SPARC: variants seen among roughly 807,000 people sequenced by gnomAD.
SPARC encodes the protein basement-membrane protein 40.
A neutral mutation model predicts 37.7 loss-of-function variants in SPARC; 23 were observed. The ratio of observed to expected loss-of-function variants is 0.61; its 90% CI spans 0.44 to 0.87. The LOEUF (loss-of-function observed/expected upper bound fraction) is 0.87. Ranked by LOEUF, SPARC falls within the 40% of genes least tolerant of loss-of-function variation. SPARC has a pLI of 0.00. For missense variants in SPARC, 312 were observed against 389.0 expected (o/e 0.80, Z 1.66); for synonymous variants, 155 against 150.8 (o/e 1.03, Z -0.20).
At position 151,667,506 on chromosome 5, in the gene SPARC, A is replaced by G; in HGVS notation, c.546T>C (p.Asp182=). The stretch of plus-strand genomic sequence containing the variant: ...TCTCAGTCAGAAGGTTGTTGTCCTC[A>G]TCCCTCTCATACAGGGTGACCAGGA... ...KNVLVTLYER[D]EDNNLLTEKQ... is the part of the protein sequence containing the mutation. The change falls in exon 7 of 10, where the codon GAT becomes GAC. Residue 182 remains aspartate, a synonymous_variant. Coordinates refer to ENST00000231061, the MANE Select transcript of SPARC (RefSeq NM_003118.4). The G allele has an allele frequency of 6.2e-7, 1 of 1,614,204 alleles. No individual in the cohort carries two copies. The highest frequency in any genetic ancestry group is 1.7e-5 in the Admixed American group (1 of 60,032).
At chr5:151,665,899 C>T (rs551569212) in intron 8 of SPARC, among the ~76,000 whole-genome samples, 2 of 152,324 alleles carry the variant, frequency 1.3e-5, no homozygotes, top group African/African-American at 4.8e-5. Flanking sequence ...GCAAAATAGA[C>T]AGGCTTTTTT....
In SPARC at chr5:151,662,061, G is replaced by C. The variant is rs1049488202; in HGVS notation, c.*1510C>G. On this transcript the variant is annotated 3_prime_UTR_variant, in exon 10 of 10. Coordinates refer to ENST00000231061, the MANE Select transcript of SPARC (RefSeq NM_003118.4). ...GCTTTGTCTACTTTGCCATAACTGTGTCCCCAGTGCTTGGCATGGGACCTG... is the reference window on the plus strand; with the variant it reads ...GCTTTGTCTACTTTGCCATAACTGTCTCCCCAGTGCTTGGCATGGGACCTG... 1.0e-4 allele frequency: 16 copies of C among 152,530 alleles called. No individual in the cohort carries two copies. The highest frequency in any genetic ancestry group is 3.9e-4 in the African/African-American group (16 of 41,448). 9.4% of individuals were successfully genotyped at this position (152,530 alleles called of 1,614,324 possible). A position where few individuals can be genotyped will look rare whatever the true frequency, so the allele number is the denominator to read the frequency against.
At chr5:151,672,406 C>T (rs528752432) in intron 4 of SPARC, among the ~76,000 whole-genome samples, 1 of 152,266 alleles carries the variant, frequency 6.6e-6, no homozygotes, top group South Asian at 2.1e-4. Flanking sequence ...TGAAAACTTC[C>T]CGGCAGCCCT....
At chr5:151,685,420 TCTCA>T (rs1196397954) in intron 1 of SPARC, among the ~76,000 whole-genome samples, 56 of 107,216 alleles carry the variant, frequency 5.2e-4, no homozygotes, top group African/African-American at 9.6e-4. Flanking sequence ...TCCCTCTCTC[TCTCA>T]CACACACACA....
chr5:151,686,549 G>C (rs1295997414), intron 1 of SPARC: 1 of 152,290 alleles, frequency 6.6e-6, no homozygotes, highest in Non-Finnish European at 1.5e-5. Context: ...AAAGAGGACA[G>C]GCAGGCAGCC....
intron 4 of SPARC, among the ~76,000 whole-genome samples, chr5:151,672,222 C>T (rs1760763097): frequency 6.6e-6 from 1 of 152,128 alleles, no homozygotes; most frequent in Admixed American, 6.5e-5. Context: ...GGCGTGGAGG[C>T]GGGAAGGAAC....
intron 9 of SPARC, 27 bp downstream of exon 9, chr5:151,664,060 C>T (rs1760571126): frequency 6.2e-7 from 1 of 1,613,870 alleles, no homozygotes; most frequent in Admixed American, 1.7e-5. Flanking sequence ...CTGCCCATGC[C>T]CCTTGCTTCT....
At position 151,669,664 on chromosome 5, in the gene SPARC, A is replaced by G; in HGVS notation, c.451T>C (p.Tyr151His). 6.2e-7 allele frequency: 1 copy of G among 1,614,080 alleles called. No individual in the cohort carries two copies. Among genetic ancestry groups the G allele is most frequent in the Non-Finnish European group, 8.5e-7 (1 of 1,179,974 alleles). ...LHLDYIGPCK[Y>H]IPPCLDSELT... Reference sequence around the variant, plus strand: ...TCTGGAAGGGCCCAAGGACACTCACATTTGCAAGGCCCGATGTAGTCCAGG... The same window carrying G: ...TCTGGAAGGGCCCAAGGACACTCACGTTTGCAAGGCCCGATGTAGTCCAGG... The change falls in exon 6 of 10, where the codon TAC (tyrosine) becomes CAC (histidine). Residue 151 changes from tyrosine to histidine, a missense_variant and splice_region_variant. Transcript: ENST00000231061.
At chr5:151,665,112 A>G (rs180945873) in intron 8 of SPARC, among the ~76,000 whole-genome samples, 395 of 152,222 alleles carry the variant, frequency 2.6e-3, no homozygotes, top group Non-Finnish European at 4.6e-3. Context: ...CTGGTGGAAA[A>G]CTGAGGCCCA....
intron 1 of SPARC, among the ~76,000 whole-genome samples, chr5:151,677,210 A>G (rs1266858424): frequency 1.3e-5 from 2 of 152,124 alleles, no homozygotes; most frequent in Non-Finnish European, 2.9e-5. Flanking sequence ...GCACTAACTA[A>G]ATGGCTTTTC....
chr5:151,664,078 G>C lies in SPARC; in HGVS notation c.883+9C>G, dbSNP rs759915324. 5 of 1,614,090 alleles carry C rather than the reference G, an allele frequency of 3.1e-6. No individual in the cohort carries two copies. The Admixed American group carries it at 8.3e-5, about 27-fold the overall frequency. ...CCCATGCCCCTTGCTTCTTTGTTCA[G>C]ACACTCACTCTGCTTGATGCCGAAG... On this transcript the variant is annotated intron_variant, in intron 9 of 9. Transcript: ENST00000231061.
chr5:151,663,510 A>T lies in SPARC; in HGVS notation c.*61T>A. 6.6e-7 allele frequency: 1 copy of T among 1,506,186 alleles called. No homozygotes were observed. Among genetic ancestry groups the T allele is most frequent in the Non-Finnish European group, 9.2e-7 (1 of 1,082,884 alleles). 93.3% of individuals were successfully genotyped at this position (1,506,186 alleles called of 1,614,324 possible). ...AACAAACCATCCAAACATTTTAAAC[A>T]TTGGGGGAAACACGAAGGGGAGGGT... On this transcript the variant is annotated 3_prime_UTR_variant, in exon 10 of 10. Transcript: ENST00000231061.
chr5:151,666,373 T>G lies in SPARC; in HGVS notation c.722A>C (p.His241Pro). The G allele has an allele frequency of 6.2e-7, 1 of 1,614,002 alleles. No individual in the cohort carries two copies. The highest frequency in any genetic ancestry group is 1.3e-5 in the African/African-American group (1 of 75,020). The change falls in exon 8 of 10, where the codon CAC (histidine) becomes CCC (proline). Residue 241 changes from histidine (H) to proline (P), a missense_variant. Physicochemically the swap from His to Pro is moderately conservative, Grantham distance 77. Transcript: ENST00000231061. ...VHWQFGQLDQ[H>P]PIDGYLSHTE... ...TCTGGGGTCTTACCCGTCAATGGGGTGCTGGTCCAGCTGGCCGAACTGCCA... is the reference window on the plus strand; with the variant it reads ...TCTGGGGTCTTACCCGTCAATGGGGGGCTGGTCCAGCTGGCCGAACTGCCA...
intron 8 of SPARC, among the ~76,000 whole-genome samples, chr5:151,666,124 G>T (rs1471963124): frequency 6.6e-6 from 1 of 152,320 alleles, no homozygotes; most frequent in South Asian, 2.1e-4. Flanking sequence ...GTACTTGCAG[G>T]ATTATGGAGC....
chr5:151,672,723 G>C (rs1760773952), intron 4 of SPARC: 1 of 225,318 alleles, frequency 4.4e-6, no homozygotes, highest in Admixed American at 4.9e-5. Flanking sequence ...GAGTGTGCAA[G>C]TTCCTGATCT....
Position 151,664,210 on chromosome 5 carries a change from G to A in SPARC, c.760C>T (p.Pro254Ser). ...DGYLSHTELA[P>S]LRAPLIPMEH... ...ATGGGGATGAGGGGAGCACGCAGTGGAGCCAGCTCGGTGTGGGAGAGGTAC... is the reference window on the plus strand; with the variant it reads ...ATGGGGATGAGGGGAGCACGCAGTGAAGCCAGCTCGGTGTGGGAGAGGTAC... Residue 254 changes from proline (P) to serine (S), a missense_variant, in exon 9 of 10, where the codon CCA becomes TCA. Coordinates refer to ENST00000231061, the MANE Select transcript of SPARC (RefSeq NM_003118.4). 6.2e-7 allele frequency: 1 copy of A among 1,614,106 alleles called. No individual in the cohort carries two copies. Among genetic ancestry groups the A allele is most frequent in the South Asian group, 1.1e-5 (1 of 91,072 alleles).
chr5:151,677,630 C>T (rs142900956), intron 1 of SPARC, among the ~76,000 whole-genome samples: 20 of 152,258 alleles, frequency 1.3e-4, no homozygotes, highest in Admixed American at 1.0e-3. Flanking sequence ...GTGGCAGCCT[C>T]GGTCCTTAAA....
chr5:151,675,251 G>A (rs1399843353), intron 2 of SPARC, among the ~76,000 whole-genome samples: 1 of 152,166 alleles, frequency 6.6e-6, no homozygotes, highest in East Asian at 1.9e-4. Context: ...GATTGCCAGG[G>A]TCTGCCATCA....
At chr5:151,674,205 G>A (rs1760809129) in intron 3 of SPARC, among the ~76,000 whole-genome samples, 1 of 151,998 alleles carries the variant, frequency 6.6e-6, no homozygotes, top group African/African-American at 2.4e-5. Context: ...TAGAGACAGG[G>A]TTTCACCATG....
Sources: gnomAD v4.1 joint callset for allele counts (sites outside exome capture counted in the v4.1 genomes callset) on GRCh38, gnomAD v4.1.1 for gene constraint, MANE v1.5 for transcripts, NCBI Gene and HGNC (gene_info 2026-07-23, HGNC 2026-07-21) for gene names.